Variants in CLEC12B observed in about 807,000 individuals in gnomAD.
CLEC12B encodes the protein macrophage antigen h.
CLEC12B carries 25 observed loss-of-function variants against 36.1 expected under a neutral mutation model. That is an observed-to-expected ratio of 0.69 (90% CI 0.50 to 0.97). CLEC12B has a LOEUF of 0.97. Among genes scored for constraint, CLEC12B ranks in the 50% least tolerant of loss-of-function variants. CLEC12B has a pLI of 0.00. For synonymous variants in CLEC12B, 110 were observed against 108.5 expected (o/e 1.01, Z -0.09); for missense variants, 325 against 318.4 (o/e 1.02, Z -0.16).
Position 10,012,781 on chromosome 12 carries a change from C to T in CLEC12B, c.92-4C>T. ...GTGCTGATTGCTCTTTTGGCTTTCT[C>T]CAGGGCATCCAGCTCCATCTCCCAT... On this transcript the variant is annotated splice_region_variant and splice_polypyrimidine_tract_variant and intron_variant, in intron 1 of 5. Transcript: ENST00000338896. 6.2e-7 allele frequency: 1 copy of T among 1,612,068 alleles called. No homozygotes were observed. Among genetic ancestry groups the T allele is most frequent in the Non-Finnish European group, 8.5e-7 (1 of 1,179,072 alleles).
chr12:10,015,440 T>G (rs1273827058), intron 4 of CLEC12B, 34 bp downstream of exon 4: 3 of 1,591,982 alleles, frequency 1.9e-6, no homozygotes, highest in Non-Finnish European at 2.6e-6. Context: ...GTTATAGACA[T>G]TATCCATACA....
rs1865545633 is a variant in CLEC12B at position 10,018,615 on chromosome 12, T to G, written c.*134T>G. 2.2e-5 allele frequency: 16 copies of G among 714,400 alleles called. No individual in the cohort carries two copies. In the South Asian group the frequency reaches 2.7e-4, roughly 12 times the overall value. The allele number at this position is 714,400 out of a possible 1,614,324, so 44.3% of individuals were successfully genotyped here. A position where few individuals can be genotyped will look rare whatever the true frequency, so the allele number is the denominator to read the frequency against. Reference sequence around the variant, plus strand: ...ATTTACATTATCAGACAAATGAACTTGTTTAACAGAACATTCTCCAGTTCC... The same window carrying G: ...ATTTACATTATCAGACAAATGAACTGGTTTAACAGAACATTCTCCAGTTCC... On this transcript the variant is annotated 3_prime_UTR_variant, in exon 6 of 6. Transcript: ENST00000338896.
chr12:10,015,293 C>CA lies in CLEC12B; in HGVS notation c.455dup (p.Asn152LysfsTer2). 3 of 1,612,852 alleles carry CA rather than the reference C, an allele frequency of 1.9e-6. No homozygotes were observed. The highest frequency in any genetic ancestry group is 2.5e-6 in the Non-Finnish European group (3 of 1,179,086). On this transcript the variant is annotated frameshift_variant, in exon 4 of 6. Transcript: ENST00000338896. LOFTEE classifies it high-confidence loss of function. ...ATGTCCTAAGATGTGGCAATGGTAC[C>CA]AAAATAGTTGCTACTATTTTACAAC...
rs925474725 is a variant in CLEC12B, at chr12:10,015,483, C to T, written c.564+77C>T. ...AGAAATAAATAAAACATCTGATTCA[C>T]ATGATGGAAATTCAGTGCATCTTGA... On this transcript the variant is annotated intron_variant, in intron 4 of 5. Coordinates refer to ENST00000338896, the MANE Select transcript of CLEC12B (RefSeq NM_001129998.3). The T allele has an allele frequency of 2.1e-5, 32 of 1,558,822 alleles. No homozygotes were observed. In the Middle Eastern group the frequency reaches 1.0e-3, roughly 50 times the overall value.
In CLEC12B at chr12:10,018,373, A is replaced by T. The variant is rs1357577692; in HGVS notation, c.723A>T (p.Gly241=). 17 of 1,533,734 alleles carry T rather than the reference A, an allele frequency of 1.1e-5. No homozygotes were observed. Among genetic ancestry groups the T allele is most frequent in the Non-Finnish European group, 1.5e-5 (17 of 1,131,290 alleles). The change falls in exon 6 of 6, where the codon GGA becomes GGT. Residue 241 remains glycine (G), a synonymous_variant. Transcript: ENST00000338896. Reference sequence around the variant, plus strand: ...TTGACCAGATCAATGGATCCAAAGGATGTGCTTATTTTCAAAAAGGAAATA... The same window carrying T: ...TTGACCAGATCAATGGATCCAAAGGTTGTGCTTATTTTCAAAAAGGAAATA... ...KELDQINGSK[G]CAYFQKGNIY... is the part of the protein sequence containing the mutation.
chr12:10,007,088 G>GA (rs905656500), upstream of CLEC12B, among the ~76,000 whole-genome samples: 18 of 150,858 alleles, frequency 1.2e-4, no homozygotes, highest in East Asian at 1.4e-3. Flanking sequence ...AATAAAAAAA[G>GA]AAAAAAAAGA....
chr12:10,014,403 C>G, intron 2 of CLEC12B, 120 bp from the exon 3 acceptor site: 1 of 671,660 alleles, frequency 1.5e-6, no homozygotes, highest in Non-Finnish European at 2.5e-6. Flanking sequence ...TTCATGATAC[C>G]TCAAATACTA....
intron 5 of CLEC12B, chr12:10,017,460 C>G: frequency 1.0e-6 from 1 of 985,380 alleles, no homozygotes; most frequent in Non-Finnish European, 1.2e-6. Flanking sequence ...TTCTTGGCCT[C>G]TCTACTCACT....
At position 10,010,691 on chromosome 12, in the gene CLEC12B, CATGCTGT is replaced by C. The variant is rs1865304507; in HGVS notation, c.-68_-62del. On this transcript the variant is annotated 5_prime_UTR_variant, in exon 1 of 6. The change abolishes an upstream ATG in the 5' untranslated region. Transcript: ENST00000338896. ...TCAAAGCTCCCAGCCTTGAAAAACA[CATGCTGT>C]TCCCAGGCCTCAAGATATTGAAACA... 9.9e-7 allele frequency: 1 copy of C among 1,006,142 alleles called. No individual in the cohort carries two copies. Among genetic ancestry groups the C allele is most frequent in the East Asian group, 2.6e-5 (1 of 39,072 alleles). The allele number at this position is 1,006,142 out of a possible 1,614,324, so 62.3% of individuals were successfully genotyped here.
chr12:10,014,565 T>G lies in CLEC12B; in HGVS notation c.233T>G (p.Leu78Trp). 1 of 1,613,738 alleles carries G rather than the reference T, an allele frequency of 6.2e-7. No individual in the cohort carries two copies. The highest frequency in any genetic ancestry group is 8.5e-7 in the Non-Finnish European group (1 of 1,179,738). ...GACATTAACTCAGATTCAGAGAAATTGAGTCAACTTCAGAAAACCATCCAA... is the reference window on the plus strand; with the variant it reads ...GACATTAACTCAGATTCAGAGAAATGGAGTCAACTTCAGAAAACCATCCAA... ...SNDINSDSEKLSQLQKTIQQQ... is the reference protein window; with the variant it reads ...SNDINSDSEKWSQLQKTIQQQ... Residue 78 changes from leucine to tryptophan, a missense_variant, in exon 3 of 6, where the codon TTG (leucine) becomes TGG (tryptophan). Transcript: ENST00000338896.
chr12:10,010,605 A>G, upstream of CLEC12B: 2 of 530,038 alleles, frequency 3.8e-6, no homozygotes, highest in Non-Finnish European at 6.8e-6. Context: ...AGAGAAACAA[A>G]TTGTCATTCT....
rs1160037252 is a variant in CLEC12B at position 10,010,709 on chromosome 12, C to G, written c.-51C>G. The G allele has an allele frequency of 2.4e-6, 3 of 1,241,578 alleles. No individual in the cohort carries two copies. In the African/African-American group the frequency reaches 4.5e-5, roughly 19 times the overall value. 76.9% of individuals were successfully genotyped at this position (1,241,578 alleles called of 1,614,324 possible). ...AAAAACACATGCTGTTCCCAGGCCT[C>G]AAGATATTGAAACATTAATTAGATA... is the stretch of plus-strand genomic sequence containing the variant. On this transcript the variant is annotated 5_prime_UTR_variant, in exon 1 of 6. Coordinates refer to ENST00000338896, the MANE Select transcript of CLEC12B (RefSeq NM_001129998.3).
At chr12:10,006,457 G>GTTTTTTTTTTTTTT (rs139343460), upstream of CLEC12B, among the ~76,000 whole-genome samples, 1 of 149,052 alleles carries the variant, frequency 6.7e-6, no homozygotes, top group Non-Finnish European at 1.5e-5. Flanking sequence ...TCCAGGATAA[G>GTTTTTTTTTTTTTT]TTTTTTGTTT....
intron 2 of CLEC12B, 30 bp downstream of exon 2, chr12:10,012,913 G>A: frequency 6.7e-7 from 1 of 1,485,268 alleles, no homozygotes; most frequent in Non-Finnish European, 9.4e-7. Flanking sequence ...ACCCAACAAA[G>A]GCAACTAGAA....
intron 2 of CLEC12B, among the ~76,000 whole-genome samples, chr12:10,013,591 A>T (rs1443551725): frequency 6.6e-6 from 1 of 152,206 alleles, no homozygotes; most frequent in Non-Finnish European, 1.5e-5. Context: ...AGTATATGGT[A>T]TACAGAGTAG....
intron 5 of CLEC12B, chr12:10,016,960 G>A: frequency 1.0e-6 from 1 of 964,734 alleles, no homozygotes. Flanking sequence ...CCTCCCTCCT[G>A]TTTCACTCTT....
upstream of CLEC12B, among the ~76,000 whole-genome samples, chr12:10,007,995 A>C (rs554460005): frequency 1.5e-4 from 23 of 152,220 alleles, no homozygotes; most frequent in Non-Finnish European, 2.6e-4. Flanking sequence ...GAATACCCAG[A>C]GAGAGTGGGC....
At chr12:10,016,322 T>C (rs1212509515) in intron 5 of CLEC12B, 1 of 152,390 alleles carries the variant, frequency 6.6e-6, no homozygotes, top group Non-Finnish European at 1.5e-5. Context: ...GTGTCTTTTA[T>C]GAATTAAAAT....
chr12:10,013,365 A>G (rs1164306369), intron 2 of CLEC12B: 1 of 179,124 alleles, frequency 5.6e-6, no homozygotes, highest in East Asian at 1.8e-4. Flanking sequence ...AGAAAGACAT[A>G]TAAACAAAGA....
Sources: allele counts gnomAD v4.1 joint callset (sites outside exome capture counted in the v4.1 genomes callset), GRCh38; gene constraint gnomAD v4.1.1; transcripts MANE v1.5; gene names NCBI Gene and HGNC (gene_info 2026-07-23, HGNC 2026-07-21).